The following RABEP1 variants were observed in gnomAD, a reference collection of about 807,000 sequenced individuals.
RABEP1 encodes the protein rab GTPase-binding effector protein 1.
A neutral mutation model predicts 123.4 loss-of-function variants in RABEP1; 51 were observed. That is an observed-to-expected ratio of 0.41 (90% CI 0.33 to 0.52). The LOEUF (loss-of-function observed/expected upper bound fraction) is 0.52, where lower values mean the gene tolerates loss of function less well. RABEP1 is among the 20% of genes least tolerant of loss of function. The pLI is 0.16. For synonymous variants in RABEP1, 347 were observed against 355.2 expected (o/e 0.98, Z 0.26); for missense variants, 888 against 996.3 (o/e 0.89, Z 1.46).
intron 2 of RABEP1, among the ~76,000 whole-genome samples, chr17:5,311,980 A>G (rs1180471740): frequency 6.6e-6 from 1 of 152,212 alleles, no homozygotes; most frequent in African/African-American, 2.4e-5. Context: ...TCTAAATTAT[A>G]TGTTAAATTA....
intron 2 of RABEP1, among the ~76,000 whole-genome samples, chr17:5,325,797 T>G (rs1488030872): frequency 2.6e-5 from 4 of 151,570 alleles, no homozygotes; most frequent in Admixed American, 2.6e-4. Flanking sequence ...GTTACATTAA[T>G]GTATTATCAC....
Position 5,304,406 on chromosome 17 carries a change from C to T in RABEP1, c.35-4288C>T, listed in dbSNP as rs113834822. ...ACTAGCCTGGCTAATGTGGTAAAGCCCTGTCTCTACTAAAAATACAAAAAA... is the reference window on the plus strand; with the variant it reads ...ACTAGCCTGGCTAATGTGGTAAAGCTCTGTCTCTACTAAAAATACAAAAAA... On this transcript the variant is annotated intron_variant, in intron 1 of 17. Coordinates refer to ENST00000537505, the MANE Select transcript of RABEP1 (RefSeq NM_004703.6). 7.9e-5 allele frequency among the ~76,000 whole-genome samples: 12 copies of T among 151,670 alleles called. 1 individual carries two copies. Among genetic ancestry groups the T allele is most frequent in the African/African-American group, 1.9e-4 (8 of 41,466 alleles).
At chr17:5,295,037 A>G (rs1019278204) in intron 1 of RABEP1, among the ~76,000 whole-genome samples, 2 of 152,038 alleles carry the variant, frequency 1.3e-5, no homozygotes, top group African/African-American at 4.8e-5. Context: ...CTTTTATAGC[A>G]TGTTTTTTCC....
chr17:5,375,820 C>T (rs1002437506), intron 13 of RABEP1, among the ~76,000 whole-genome samples: 3 of 152,176 alleles, frequency 2.0e-5, no homozygotes, highest in South Asian at 2.1e-4. Context: ...AGAATCCTGT[C>T]TTCCATGTTC....
At chr17:5,338,858 G>T (rs1377296611) in intron 5 of RABEP1, among the ~76,000 whole-genome samples, 1 of 152,080 alleles carries the variant, frequency 6.6e-6, no homozygotes. Context: ...CACAGCAAAA[G>T]AATTAAAGTA....
intron 14 of RABEP1, 110 bp downstream of exon 14, chr17:5,377,415 T>G: frequency 4.3e-6 from 3 of 700,406 alleles, no homozygotes. Flanking sequence ...TAGGAAAGAA[T>G]TTAGTAAGGA....
At chr17:5,375,833 T>C (rs1386132097) in intron 13 of RABEP1, among the ~76,000 whole-genome samples, 1 of 152,084 alleles carries the variant, frequency 6.6e-6, no homozygotes. Flanking sequence ...CCATGTTCTT[T>C]AGAGACTTTA....
At chr17:5,318,218 T>C (rs1197896877) in intron 2 of RABEP1, among the ~76,000 whole-genome samples, 1 of 152,168 alleles carries the variant, frequency 6.6e-6, no homozygotes, top group African/African-American at 2.4e-5. Flanking sequence ...ACAATTGATA[T>C]CAGAAGTGGA....
At chr17:5,298,698 C>G (rs903884984) in intron 1 of RABEP1, among the ~76,000 whole-genome samples, 1 of 148,676 alleles carries the variant, frequency 6.7e-6, no homozygotes, top group African/African-American at 2.5e-5. Flanking sequence ...CTCTGTCGCC[C>G]AGGCTGGAGT....
chr17:5,345,006 T>A (rs8080981), intron 5 of RABEP1, among the ~76,000 whole-genome samples: 95,994 of 152,006 alleles, frequency 0.63, 32,531 homozygotes, highest in East Asian at 0.97. Flanking sequence ...GTGTATGAGC[T>A]GTCGGTTAAC....
In RABEP1 at chr17:5,380,430, GA is replaced by G; in HGVS notation, c.2340del (p.Glu781SerfsTer3). On this transcript the variant is annotated frameshift_variant, in exon 16 of 18. Transcript: ENST00000537505. LOFTEE classifies it high-confidence loss of function. ...TCTTCAGGAAATAAAGATCAGTTTG[GA>G]AGAGCAGTTAAAGAAAGAGACTGCT... ...ESLQEIKISL[E>X]EQLKKETAAK... 1 of 1,565,252 alleles carries G rather than the reference GA, an allele frequency of 6.4e-7. No individual in the cohort carries two copies. Among genetic ancestry groups the G allele is most frequent in the Non-Finnish European group, 8.7e-7 (1 of 1,152,900 alleles).
At chr17:5,296,550 C>T (rs534173854) in intron 1 of RABEP1, among the ~76,000 whole-genome samples, 1 of 151,976 alleles carries the variant, frequency 6.6e-6, no homozygotes, top group South Asian at 2.1e-4. Context: ...TGTGAGCCAC[C>T]GTGCCCAGCC....
chr17:5,367,334 C>G (rs188842066), intron 11 of RABEP1, among the ~76,000 whole-genome samples: 2 of 151,686 alleles, frequency 1.3e-5, no homozygotes, highest in South Asian at 2.1e-4. Flanking sequence ...TGCAGTGGCA[C>G]GATCTTGGCT....
chr17:5,373,737 C>CACACACACAA (rs1910736940), intron 13 of RABEP1, among the ~76,000 whole-genome samples: 1 of 144,214 alleles, frequency 6.9e-6, no homozygotes, highest in Admixed American at 6.9e-5. Flanking sequence ...CACACACACA[C>CACACACACAA]GAAAAAGTAA....
intron 15 of RABEP1, among the ~76,000 whole-genome samples, chr17:5,379,212 C>T (rs781734383): frequency 2.0e-5 from 3 of 152,220 alleles, no homozygotes; most frequent in Non-Finnish European, 4.4e-5. Flanking sequence ...CCTTCAGCTA[C>T]TGGGCTCCTC....
At chr17:5,344,771 C>CAAAAAAA (rs1177790100) in intron 5 of RABEP1, among the ~76,000 whole-genome samples, 1 of 46,940 alleles carries the variant, frequency 2.1e-5, no homozygotes, top group African/African-American at 9.2e-5. Context: ...GACACTGTCT[C>CAAAAAAA]AAAAAAAAAA....
chr17:5,331,388 A>G (rs1906530576), intron 2 of RABEP1, among the ~76,000 whole-genome samples: 1 of 152,092 alleles, frequency 6.6e-6, no homozygotes, highest in Admixed American at 6.5e-5. Flanking sequence ...TTTTTTTTGA[A>G]GTTAGTTTGG....
Position 5,305,319 on chromosome 17 carries a change from A to T in RABEP1, c.35-3375A>T, listed in dbSNP as rs572256714. Among the ~76,000 whole-genome samples the T allele has an allele frequency of 4.1e-4, 63 of 152,304 alleles. 1 individual carries two copies. The South Asian group carries it at 0.012, about 30-fold the overall frequency. ...CAATTACTCGATATACTCTCAAAAG[A>T]TCATGATTTCTAGAACTGAACACTG... is the stretch of plus-strand genomic sequence containing the variant. On this transcript the variant is annotated intron_variant, in intron 1 of 17. Coordinates refer to ENST00000537505, the MANE Select transcript of RABEP1 (RefSeq NM_004703.6).
intron 8 of RABEP1, among the ~76,000 whole-genome samples, chr17:5,359,593 T>C (rs1031241957): frequency 5.3e-5 from 8 of 152,158 alleles, no homozygotes; most frequent in African/African-American, 1.9e-4. Flanking sequence ...CCATTGCAGT[T>C]TCAGATGAGT....
Sources: allele counts gnomAD v4.1 joint callset (sites outside exome capture counted in the v4.1 genomes callset), GRCh38; gene constraint gnomAD v4.1.1; transcripts MANE v1.5; gene names NCBI Gene and HGNC (gene_info 2026-07-23, HGNC 2026-07-21).